FIP1L1: variants seen among roughly 807,000 people sequenced by gnomAD.
FIP1L1 encodes the protein pre-mRNA 3'-end-processing factor FIP1.
A neutral mutation model predicts 84.6 loss-of-function variants in FIP1L1; 21 were observed. That is an observed-to-expected ratio of 0.25 (90% CI 0.18 to 0.36). The LOEUF is 0.36. Ranked by LOEUF, FIP1L1 falls within the 10% of genes least tolerant of loss-of-function variation. The probability of loss-of-function intolerance (pLI) is 1.00; values close to 1 mark genes in which losing one functional copy is unlikely to be tolerated. For synonymous variants in FIP1L1, 263 were observed against 242.3 expected (o/e 1.09, Z -0.80); for missense variants, 526 against 751.1 (o/e 0.70, Z 3.50).
intron 13 of FIP1L1, chr4:53,440,638 T>C (rs1437459253): frequency 6.9e-7 from 1 of 1,450,358 alleles, no homozygotes; most frequent in Non-Finnish European, 9.5e-7. Flanking sequence ...TTCTCCATCA[T>C]TGTTAATAAA....
intron 12 of FIP1L1, among the ~76,000 whole-genome samples, chr4:53,427,098 T>G (rs1764639942): frequency 6.6e-6 from 1 of 152,142 alleles, no homozygotes; most frequent in Non-Finnish European, 1.5e-5. Context: ...CCCTTACCAT[T>G]AAAATGCCAC....
chr4:53,410,005 C>G (rs1348951015), intron 10 of FIP1L1, among the ~76,000 whole-genome samples: 1 of 152,226 alleles, frequency 6.6e-6, no homozygotes, highest in African/African-American at 2.4e-5. Context: ...CACTGTCCTG[C>G]GCCCACTGTC....
At chr4:53,382,358 A>G (rs1396446425) in intron 4 of FIP1L1, 23 bp downstream of exon 4, 2 of 1,588,190 alleles carry the variant, frequency 1.3e-6, no homozygotes, top group Non-Finnish European at 1.7e-6. Flanking sequence ...TTTGAAATCC[A>G]GTTACTGATA....
intron 7 of FIP1L1, among the ~76,000 whole-genome samples, 163 bp downstream of exon 7, chr4:53,390,791 G>T (rs1226606133): frequency 6.6e-6 from 1 of 152,076 alleles, no homozygotes; most frequent in South Asian, 2.1e-4. Flanking sequence ...CTTACTGGTG[G>T]CCTTGTATTA....
intron 10 of FIP1L1, among the ~76,000 whole-genome samples, chr4:53,407,633 T>G (rs1231780046): frequency 6.6e-6 from 1 of 152,164 alleles, no homozygotes; most frequent in Non-Finnish European, 1.5e-5. Context: ...ATTTTTATTG[T>G]ATGGGAGTCT....
intron 10 of FIP1L1, among the ~76,000 whole-genome samples, chr4:53,411,778 A>G (rs1160591359): frequency 1.3e-5 from 2 of 152,172 alleles, no homozygotes; most frequent in East Asian, 1.9e-4. Flanking sequence ...AACGTTCTGT[A>G]GTACCCATCA....
chr4:53,442,437 G>A (rs12506661), intron 13 of FIP1L1: 51,890 of 448,868 alleles, frequency 0.12, 3,552 homozygotes, highest in East Asian at 0.16. Flanking sequence ...CTCCCAGTTT[G>A]TTTTCTGTGT....
chr4:53,409,450 G>C (rs1156655743), intron 10 of FIP1L1, among the ~76,000 whole-genome samples: 1 of 152,216 alleles, frequency 6.6e-6, no homozygotes, highest in Non-Finnish European at 1.5e-5. Flanking sequence ...TCAAGGGTCA[G>C]GGACCCACTT....
chr4:53,450,672 TAA>T lies in FIP1L1; in HGVS notation c.1286-2245_1286-2244del, dbSNP rs1459291479. Among the ~76,000 whole-genome samples the T allele has an allele frequency of 3.9e-5, 6 of 152,272 alleles. No individual in the cohort carries two copies. In the East Asian group the frequency reaches 1.2e-3, roughly 29 times the overall value. On this transcript the variant is annotated intron_variant, in intron 15 of 17. Transcript: ENST00000337488. Reference sequence around the variant, plus strand: ...TGGGTGACAGCAAGACCTCATCTCTTAAAACAAAAAGAAACCACTTCTGTATT... The same window carrying T: ...TGGGTGACAGCAAGACCTCATCTCTTAACAAAAAGAAACCACTTCTGTATT...
intron 10 of FIP1L1, 21 bp from the exon 11 acceptor site, chr4:53,414,594 A>G (rs1488437740): frequency 6.4e-7 from 1 of 1,566,006 alleles, no homozygotes; most frequent in Non-Finnish European, 8.8e-7. Context: ...AAGAAAAAAC[A>G]TAGAAAATTT....
At chr4:53,379,728 T>C (rs1347209097) in intron 3 of FIP1L1, among the ~76,000 whole-genome samples, 1 of 152,212 alleles carries the variant, frequency 6.6e-6, no homozygotes, top group Non-Finnish European at 1.5e-5. Flanking sequence ...TGTAATTAGC[T>C]GATTTGTTAT....
At chr4:53,417,740 C>T (rs1461554261) in intron 11 of FIP1L1, among the ~76,000 whole-genome samples, 1 of 19,702 alleles carries the variant, frequency 5.1e-5, no homozygotes, top group Non-Finnish European at 9.8e-5. Context: ...TCTTTTTAAA[C>T]ACACACACAC....
intron 11 of FIP1L1, among the ~76,000 whole-genome samples, chr4:53,422,020 C>T (rs1337917851): frequency 2.6e-5 from 4 of 152,162 alleles, no homozygotes; most frequent in Non-Finnish European, 5.9e-5. Flanking sequence ...TTAAATTGCT[C>T]TTATTGAATT....
intron 10 of FIP1L1, among the ~76,000 whole-genome samples, chr4:53,405,895 A>C (rs1416385603): frequency 6.6e-6 from 1 of 151,832 alleles, no homozygotes; most frequent in Admixed American, 6.6e-5. Context: ...TTATCAACTT[A>C]AGGAGATTTT....
At chr4:53,393,764 G>GCCCCTCCCCCCCCCC (rs1745641676) in intron 9 of FIP1L1, among the ~76,000 whole-genome samples, 1 of 87,950 alleles carries the variant, frequency 1.1e-5, no homozygotes, top group Non-Finnish European at 2.2e-5. Flanking sequence ...TTTCCCCCCG[G>GCCCCTCCCCCCCCCC]CCCCCCCCCC....
intron 15 of FIP1L1, 59 bp from the exon 16 acceptor site, chr4:53,452,860 TG>T: frequency 8.0e-7 from 1 of 1,254,742 alleles, no homozygotes; most frequent in Non-Finnish European, 1.2e-6. Context: ...ACATTTTTGG[TG>T]GGCATTTTGT....
intron 10 of FIP1L1, among the ~76,000 whole-genome samples, chr4:53,403,267 ACTTT>A (rs1325173874): frequency 1.3e-5 from 2 of 152,132 alleles, no homozygotes; most frequent in East Asian, 3.9e-4. Flanking sequence ...GTACAGTACT[ACTTT>A]CTTATCTAGG....
chr4:53,393,370 C>A (rs1305730188), intron 9 of FIP1L1, among the ~76,000 whole-genome samples: 1 of 152,100 alleles, frequency 6.6e-6, no homozygotes, highest in Non-Finnish European at 1.5e-5. Flanking sequence ...GTGAGACAGC[C>A]CATCAGCCTC....
At chr4:53,409,726 T>G (rs1284674900) in intron 10 of FIP1L1, among the ~76,000 whole-genome samples, 1 of 152,210 alleles carries the variant, frequency 6.6e-6, no homozygotes, top group Non-Finnish European at 1.5e-5. Context: ...CGCTGCCACC[T>G]GGCAGTTTGA....
Sources: gnomAD v4.1 joint callset for allele counts (sites outside exome capture counted in the v4.1 genomes callset) on GRCh38, gnomAD v4.1.1 for gene constraint, MANE v1.5 for transcripts, NCBI Gene and HGNC (gene_info 2026-07-23, HGNC 2026-07-21) for gene names.